PSG3: variants seen among roughly 807,000 people sequenced by gnomAD.
PSG3 encodes the protein pregnancy specific beta-1-glycoprotein 3.
Under a neutral mutation model 47.5 loss-of-function variants are expected in PSG3, and 61 were observed. The observed-to-expected ratio is 1.28, with a 90% confidence interval of 1.05 to 1.59. The LOEUF is 1.59. PSG3 is among the 40% of genes most tolerant of loss of function. PSG3 has a pLI of 0.00. For synonymous variants in PSG3, 263 were observed against 198.4 expected, an observed-to-expected ratio of 1.33 and a Z score of -2.74; for missense variants, 756 against 524.0, an observed-to-expected ratio of 1.44 and a Z score of -4.32.
intron 2 of PSG3, chr19:42,734,021 A>T (rs1284655060): frequency 1.3e-5 from 2 of 152,200 alleles, no homozygotes; most frequent in Non-Finnish European, 2.9e-5. Context: ...CTACTCTCTG[A>T]TTCTGAATTT....
chr19:42,730,779 G>T (rs1169528731), intron 3 of PSG3, among the ~76,000 whole-genome samples: 1 of 152,240 alleles, frequency 6.6e-6, no homozygotes, highest in Non-Finnish European at 1.5e-5. Context: ...GCAGAAGCAT[G>T]TTCCCTGTCT....
rs771110359 is a variant in PSG3, at chr19:42,729,279, C to G, written c.1087G>C (p.Glu363Gln). ...TTCCCATTAATTGTCCAAGAATATT[C>G]TGCTGGTGGGTTAGAGTCCGCGAAG... ...SCFADSNPPAEYSWTINGKFQ... is the reference protein window; with the variant it reads ...SCFADSNPPAQYSWTINGKFQ... Residue 363 changes from glutamate (E) to glutamine (Q), a missense_variant, in exon 5 of 7, where the codon GAA becomes CAA. Physicochemically the swap from Glu to Gln is conservative, Grantham distance 29. Coordinates refer to ENST00000327495, the MANE Select transcript of PSG3 (RefSeq NM_021016.4). The G allele has an allele frequency of 8.7e-6, 14 of 1,614,106 alleles. No homozygotes were observed. The highest frequency in any genetic ancestry group is 2.2e-5 in the South Asian group (2 of 91,080).
rs774252017 is a variant in PSG3 at position 42,729,846 on chromosome 19, G to T, written c.920C>A (p.Pro307His). The T allele has an allele frequency of 2.7e-5, 43 of 1,613,286 alleles. No individual in the cohort carries two copies. Among genetic ancestry groups the T allele is most frequent in the South Asian group, 6.6e-5 (6 of 91,050 alleles). ...TCGGTCCTGTATTTCACATTGATAG[G>T]GTCCTGTTTCATTTCTCGTGACACT... is the stretch of plus-strand genomic sequence containing the variant. ...LPSVTRNETG[P>H]YQCEIQDRYG... Residue 307 changes from proline (P) to histidine (H), a missense_variant, in exon 4 of 7, where the codon CCC (proline) becomes CAC (histidine). Transcript: ENST00000327495.
intron 5 of PSG3, among the ~76,000 whole-genome samples, chr19:42,727,528 T>C (rs993437167): frequency 1.5e-4 from 23 of 152,232 alleles, no homozygotes; most frequent in African/African-American, 5.5e-4. Context: ...TCAGGAATAC[T>C]TGGAGATATG....
chr19:42,738,109 T>C (rs1270393488), intron 2 of PSG3, among the ~76,000 whole-genome samples: 1 of 152,206 alleles, frequency 6.6e-6, no homozygotes, highest in Non-Finnish European at 1.5e-5. Flanking sequence ...CCTACAAAGC[T>C]TGTCTTTCTG....
In PSG3 at chr19:42,729,904, G is replaced by C. The variant is rs771778877; in HGVS notation, c.862C>G (p.Arg288Gly). 1.2e-6 allele frequency: 2 copies of C among 1,612,170 alleles called. No individual in the cohort carries two copies. Among genetic ancestry groups the C allele is most frequent in the African/African-American group, 2.7e-5 (2 of 74,964 alleles). ...QSLPVSPRVK[R>G]PIENRILILP... ...ATGAGGATCCTGTTTTCAATGGGTC[G>C]CTTTACCCTGGGACTGACCGGGAGG... The change falls in exon 4 of 7, where the codon CGA becomes GGA. Residue 288 changes from arginine to glycine, a missense_variant. Arg to Gly is a moderately radical substitution (Grantham distance 125, BLOSUM62 -2). Transcript: ENST00000327495.
chr19:42,728,664 G>A lies in PSG3; in HGVS notation c.1243+459C>T, dbSNP rs191541606. On this transcript the variant is annotated intron_variant, in intron 5 of 6. Transcript: ENST00000327495. The stretch of plus-strand genomic sequence containing the variant: ...GAGCAGAGCAGGAAGCAGAGTCTGA[G>A]CTGCTCCTCCCTCACCCAAGGGGCT... Among the ~76,000 whole-genome samples the A allele has an allele frequency of 2.2e-4, 34 of 152,372 alleles. No homozygotes were observed. In the East Asian group the frequency reaches 5.8e-3, roughly 26 times the overall value.
chr19:42,727,350 A>C (rs1207483917), intron 5 of PSG3, among the ~76,000 whole-genome samples: 3 of 151,990 alleles, frequency 2.0e-5, no homozygotes, highest in Admixed American at 6.5e-5. Context: ...AAATATTTGC[A>C]AATTATATGT....
At position 42,726,820 on chromosome 19, in the gene PSG3, T is replaced by C. The variant is rs149667132; in HGVS notation, c.1243+2303A>G. On this transcript the variant is annotated intron_variant, in intron 5 of 6. Transcript: ENST00000327495. ...TTATATTGCATCTCATGACTCTAAA[T>C]AGACACACAGCTTTGAAGAGGAAGA... Among the ~76,000 whole-genome samples, 1,005 of 152,270 alleles carry C rather than the reference T, an allele frequency of 6.6e-3. 15 individuals carry two copies. Among genetic ancestry groups the C allele is most frequent in the African/African-American group, 0.023 (973 of 41,562 alleles).
rs529551249 is a variant in PSG3, at chr19:42,729,726, C to A, written c.988+52G>T. On this transcript the variant is annotated intron_variant, in intron 4 of 6. Transcript: ENST00000327495. ...GAGAGTGAGAGGCCTGGCCTCTGGT[C>A]GTTTTGATTTAAGCTGGTGTCCTGG... The A allele has an allele frequency of 1.0e-5, 16 of 1,579,054 alleles. No homozygotes were observed. In the African/African-American group the frequency reaches 1.2e-4, roughly 12 times the overall value.
intron 3 of PSG3, 63 bp from the exon 4 acceptor site, chr19:42,730,119 T>C: frequency 5.0e-6 from 8 of 1,596,614 alleles, no homozygotes; most frequent in South Asian, 1.1e-5. Context: ...ACTGGCATCC[T>C]TCAATCAGAG....
intron 4 of PSG3, 123 bp from the exon 5 acceptor site, chr19:42,729,500 C>T: frequency 4.0e-6 from 6 of 1,497,534 alleles, no homozygotes; most frequent in Non-Finnish European, 5.4e-6. Flanking sequence ...GCCAAACCCC[C>T]TCTATGTTCA....
intron 2 of PSG3, among the ~76,000 whole-genome samples, chr19:42,736,847 A>T (rs1969572569): frequency 6.6e-6 from 1 of 152,264 alleles, no homozygotes; most frequent in Non-Finnish European, 1.5e-5. Context: ...CAGGAGTGGC[A>T]ACTCCAGGTG....
intron 1 of PSG3, among the ~76,000 whole-genome samples, chr19:42,739,679 TC>T (rs936702630): frequency 1.8e-4 from 27 of 151,748 alleles, no homozygotes; most frequent in Non-Finnish European, 2.5e-4. Context: ...TGTTTTTTCT[TC>T]CCCCAGTTGT....
chr19:42,730,892 G>A (rs571484771), intron 3 of PSG3, among the ~76,000 whole-genome samples: 3 of 152,336 alleles, frequency 2.0e-5, no homozygotes, highest in East Asian at 1.9e-4. Flanking sequence ...ACTGACTGGT[G>A]GAAAGGGTGG....
At position 42,732,568 on chromosome 19, in the gene PSG3, C is replaced by T. The variant is rs948621545; in HGVS notation, c.709+216G>A. On this transcript the variant is annotated intron_variant, in intron 3 of 6. Transcript: ENST00000327495. Reference sequence around the variant, plus strand: ...TGTTTTGCCCATCACAAGCTGTGGACGCTGAGTCTCCCATGACAGGAGCAG... The same window carrying T: ...TGTTTTGCCCATCACAAGCTGTGGATGCTGAGTCTCCCATGACAGGAGCAG... The T allele has an allele frequency of 8.1e-5, 93 of 1,151,126 alleles. 1 individual carries two copies. The highest frequency in any genetic ancestry group is 4.5e-4 in the South Asian group (29 of 64,508). 71.3% of individuals were successfully genotyped at this position (1,151,126 alleles called of 1,614,324 possible).
chr19:42,739,929 C>A (rs865835836), intron 1 of PSG3, among the ~76,000 whole-genome samples: 5 of 151,782 alleles, frequency 3.3e-5, no homozygotes, highest in African/African-American at 1.2e-4. Context: ...ACAGAGACTT[C>A]TTTCCTTTTT....
intron 2 of PSG3, chr19:42,733,943 T>C (rs1225789023): frequency 6.6e-6 from 1 of 152,070 alleles, no homozygotes; most frequent in Admixed American, 6.5e-5. Flanking sequence ...ATGGACCATA[T>C]GTGTTTGGTG....
At chr19:42,734,672 G>A (rs1445210761) in intron 2 of PSG3, among the ~76,000 whole-genome samples, 21 of 152,306 alleles carry the variant, frequency 1.4e-4, no homozygotes, top group Admixed American at 1.2e-3. Context: ...TATGCTCAAA[G>A]AAAGATGCCA....
Sources: allele counts gnomAD v4.1 joint callset (sites outside exome capture counted in the v4.1 genomes callset), GRCh38; gene constraint gnomAD v4.1.1; transcripts MANE v1.5; gene names NCBI Gene and HGNC (gene_info 2026-07-23, HGNC 2026-07-21).